RAPGEF2: variants seen among roughly 807,000 people sequenced by gnomAD.
The protein encoded by RAPGEF2 is Rap guanine nucleotide exchange factor 2, also known as PDZ domain containing guanine nucleotide exchange factor (GEF) 1.
A neutral mutation model predicts 186.7 loss-of-function variants in RAPGEF2; 54 were observed. The ratio of observed to expected loss-of-function variants is 0.29; its 90% CI spans 0.23 to 0.36. The LOEUF is 0.36. Ranked by LOEUF, RAPGEF2 falls within the 10% of genes least tolerant of loss-of-function variation. The pLI, the probability that RAPGEF2 is intolerant of heterozygous loss-of-function variation, is 1.00. For synonymous variants in RAPGEF2, 712 were observed against 705.9 expected (o/e 1.01, Z -0.14); for missense variants, 1,532 against 2,045.0 (o/e 0.75, Z 4.84).
At chr4:159,188,867 G>A (rs1213817681) in intron 2 of RAPGEF2, among the ~76,000 whole-genome samples, 1 of 152,088 alleles carries the variant, frequency 6.6e-6, no homozygotes, top group Admixed American at 6.5e-5. Flanking sequence ...TGTGTTTGTT[G>A]GCATGAACCT....
intron 4 of RAPGEF2, among the ~76,000 whole-genome samples, chr4:159,230,621 T>C (rs1382802264): frequency 6.6e-6 from 1 of 152,218 alleles, no homozygotes; most frequent in African/African-American, 2.4e-5. Context: ...TCTTTATAGG[T>C]TTGACATTCA....
chr4:159,250,325 AAATAAT>A (rs1018848743), intron 7 of RAPGEF2, among the ~76,000 whole-genome samples: 1 of 152,316 alleles, frequency 6.6e-6, no homozygotes, highest in African/African-American at 2.4e-5. Flanking sequence ...GGAAAAATAA[AAATAAT>A]AATAATTAAG....
Position 159,358,502 on chromosome 4 carries a change from T to A in RAPGEF2, c.*363T>A, listed in dbSNP as rs1018453031. On this transcript the variant is annotated 3_prime_UTR_variant, in exon 30 of 30. Coordinates refer to ENST00000691494, the MANE Select transcript of RAPGEF2 (RefSeq NM_001394067.2). ...TCTCAATGCCTGGAAGGATTTTTTT[T>A]AATCTTCCTTTTAGATTTCAATCCA... 5 of 232,468 alleles carry A rather than the reference T, an allele frequency of 2.2e-5. No individual in the cohort carries two copies. Among genetic ancestry groups the A allele is most frequent in the Non-Finnish European group, 2.5e-5 (3 of 121,404 alleles). The allele number at this position is 232,468 out of a possible 1,614,324, so 14.4% of individuals were successfully genotyped here.
intron 4 of RAPGEF2, among the ~76,000 whole-genome samples, chr4:159,220,686 G>A (rs1751449393): frequency 6.6e-6 from 1 of 152,152 alleles, no homozygotes; most frequent in African/African-American, 2.4e-5. Context: ...TCTTTGGGAA[G>A]TCTACCCTTG....
intron 3 of RAPGEF2, among the ~76,000 whole-genome samples, chr4:159,202,624 G>A (rs186846610): frequency 1.2e-4 from 18 of 151,880 alleles, no homozygotes; most frequent in African/African-American, 4.3e-4. Flanking sequence ...TTTTTTTGGC[G>A]GAGTTTTGCT....
chr4:159,190,555 T>A (rs1748013789), intron 2 of RAPGEF2, among the ~76,000 whole-genome samples: 1 of 152,234 alleles, frequency 6.6e-6, no homozygotes, highest in African/African-American at 2.4e-5. Flanking sequence ...GTTCTCACTA[T>A]AAGGCCATAC....
intron 6 of RAPGEF2, among the ~76,000 whole-genome samples, chr4:159,243,168 T>C (rs1754214736): frequency 6.6e-6 from 1 of 151,792 alleles, no homozygotes; most frequent in Admixed American, 6.6e-5. Context: ...GCAGATACTT[T>C]TAGGGAAAAT....
At chr4:159,191,311 T>C (rs753592974) in intron 2 of RAPGEF2, among the ~76,000 whole-genome samples, 2 of 151,448 alleles carry the variant, frequency 1.3e-5, no homozygotes, top group Non-Finnish European at 2.9e-5. Context: ...TACTGCAGAG[T>C]AGTGGAATTG....
chr4:159,190,794 GC>G (rs1388604034), intron 2 of RAPGEF2, among the ~76,000 whole-genome samples: 1 of 152,170 alleles, frequency 6.6e-6, no homozygotes, highest in African/African-American at 2.4e-5. Flanking sequence ...GGGGGAACCA[GC>G]CCCATAATTC....
intron 1 of RAPGEF2, among the ~76,000 whole-genome samples, chr4:159,135,325 C>T (rs759746179): frequency 6.6e-6 from 1 of 152,094 alleles, no homozygotes; most frequent in Non-Finnish European, 1.5e-5. Flanking sequence ...GGATTACAGG[C>T]GTAAGTCATT....
At chr4:159,283,125 A>G (rs6848217) in intron 7 of RAPGEF2, among the ~76,000 whole-genome samples, 45,335 of 151,862 alleles carry the variant, frequency 0.3, 7,637 homozygotes, top group Non-Finnish European at 0.39. Context: ...CTTAAGGCTT[A>G]AGCAAATTCA....
At chr4:159,348,242 A>AGATGGATGGATGGATGGATGGATG (rs57748987) in intron 25 of RAPGEF2, among the ~76,000 whole-genome samples, 2 of 144,956 alleles carry the variant, frequency 1.4e-5, no homozygotes, top group African/African-American at 5.5e-5. Context: ...ATAGATAGAT[A>AGATGGATGGATGGATGGATGGATG]GATGGATGGA....
chr4:159,164,232 C>T (rs1745043446), intron 1 of RAPGEF2, among the ~76,000 whole-genome samples: 1 of 151,154 alleles, frequency 6.6e-6, no homozygotes, highest in African/African-American at 2.4e-5. Flanking sequence ...TCTCGATGTC[C>T]TGACCTTGTG....
In RAPGEF2 at chr4:159,140,803, T is replaced by C. The variant is rs143220805; in HGVS notation, c.69+36572T>C. Reference sequence around the variant, plus strand: ...TATAAGCAATGATGTTGAATCTTGGTAAGCCAAAAATTTTTTTCTGGAAAA... The same window carrying C: ...TATAAGCAATGATGTTGAATCTTGGCAAGCCAAAAATTTTTTTCTGGAAAA... On this transcript the variant is annotated intron_variant, in intron 1 of 29. Transcript: ENST00000691494. Among the ~76,000 whole-genome samples, 738 of 150,296 alleles carry C rather than the reference T, an allele frequency of 4.9e-3. 5 individuals carry two copies. The highest frequency in any genetic ancestry group is 0.017 in the African/African-American group (702 of 40,634).
chr4:159,133,400 T>C (rs1741319882), intron 1 of RAPGEF2, among the ~76,000 whole-genome samples: 1 of 152,044 alleles, frequency 6.6e-6, no homozygotes, highest in Non-Finnish European at 1.5e-5. Flanking sequence ...TTAACCTTTT[T>C]AAGTGTAAAG....
chr4:159,259,209 A>G (rs2110733028), intron 7 of RAPGEF2, among the ~76,000 whole-genome samples: 1 of 152,364 alleles, frequency 6.6e-6, no homozygotes, highest in Admixed American at 6.5e-5. Context: ...AATGAATTTA[A>G]CATGTATTGC....
chr4:159,133,919 A>G (rs547428554), intron 1 of RAPGEF2, among the ~76,000 whole-genome samples: 1 of 151,530 alleles, frequency 6.6e-6, no homozygotes, highest in South Asian at 2.1e-4. Flanking sequence ...GGGTTTCACC[A>G]TGTTGGCCAG....
intron 7 of RAPGEF2, among the ~76,000 whole-genome samples, chr4:159,255,219 A>G (rs1756006812): frequency 6.6e-6 from 1 of 152,014 alleles, no homozygotes; most frequent in African/African-American, 2.4e-5. Flanking sequence ...TTGCCCAATG[A>G]CGCCGTTCTC....
At chr4:159,202,240 G>T (rs921821022) in intron 3 of RAPGEF2, among the ~76,000 whole-genome samples, 2 of 152,070 alleles carry the variant, frequency 1.3e-5, no homozygotes, top group East Asian at 3.9e-4. Context: ...CACTCCCCTG[G>T]GCCGCTTCAG....
Sources: gnomAD v4.1 joint callset for allele counts (sites outside exome capture counted in the v4.1 genomes callset) on GRCh38, gnomAD v4.1.1 for gene constraint, MANE v1.5 for transcripts, NCBI Gene and HGNC (gene_info 2026-07-23, HGNC 2026-07-21) for gene names.